CNGA3: variants seen among roughly 807,000 people sequenced by gnomAD.
CNGA3 encodes the protein cyclic nucleotide-gated channel alpha-3.
A neutral mutation model predicts 46.6 loss-of-function variants in CNGA3; 42 were observed. The ratio of observed to expected loss-of-function variants is 0.90; its 90% CI spans 0.70 to 1.17. CNGA3 has a LOEUF of 1.17. CNGA3 is among the 50% of genes most tolerant of loss of function. The pLI is 0.00. For missense variants in CNGA3, 893 were observed against 890.7 expected (o/e 1.00, Z -0.03); for synonymous variants, 394 against 369.4 (o/e 1.07, Z -0.76).
intron 2 of CNGA3, among the ~76,000 whole-genome samples, chr2:98,375,089 A>T (rs76787744): frequency 0.021 from 3,274 of 152,292 alleles, 111 homozygotes; most frequent in African/African-American, 0.072. Flanking sequence ...AGTGGGCATC[A>T]TAGATCCCGC....
chr2:98,372,715 C>T (rs1429647739), intron 2 of CNGA3, among the ~76,000 whole-genome samples: 1 of 152,162 alleles, frequency 6.6e-6, no homozygotes, highest in Non-Finnish European at 1.5e-5. Flanking sequence ...TGCAGAGGTC[C>T]TGGCACAGTC....
chr2:98,363,052 T>C (rs754905145), intron 1 of CNGA3, among the ~76,000 whole-genome samples: 2 of 152,250 alleles, frequency 1.3e-5, no homozygotes, highest in East Asian at 1.9e-4. Flanking sequence ...TTGGTTACTA[T>C]AGTCTTATAG....
intron 1 of CNGA3, among the ~76,000 whole-genome samples, chr2:98,359,539 A>G (rs1461123498): frequency 1.3e-5 from 2 of 152,324 alleles, no homozygotes; most frequent in African/African-American, 2.4e-5. Flanking sequence ...AATACACTGC[A>G]TTACCACCTG....
chr2:98,394,714 T>C (rs534476235), intron 7 of CNGA3, among the ~76,000 whole-genome samples: 1 of 152,350 alleles, frequency 6.6e-6, no homozygotes, highest in East Asian at 1.9e-4. Flanking sequence ...GTAAGCACTT[T>C]AGCATTTTGA....
intron 5 of CNGA3, 69 bp from the exon 6 acceptor site, chr2:98,389,589 C>G (rs2104228933): frequency 1.4e-6 from 2 of 1,403,970 alleles, no homozygotes; most frequent in Non-Finnish European, 2.0e-6. Flanking sequence ...TTGCCCTAGG[C>G]TCTCTAAAAC....
intron 2 of CNGA3, among the ~76,000 whole-genome samples, chr2:98,372,833 C>T (rs1692317640): frequency 6.6e-6 from 1 of 152,126 alleles, no homozygotes; most frequent in South Asian, 2.1e-4. Flanking sequence ...CAGATAGCCG[C>T]ATTTCCTGCC....
intron 7 of CNGA3, among the ~76,000 whole-genome samples, chr2:98,395,465 C>T (rs866482546): frequency 2.0e-5 from 3 of 152,170 alleles, no homozygotes; most frequent in Admixed American, 6.5e-5. Flanking sequence ...CCACGGCACC[C>T]GGCCCTCTGT....
At chr2:98,371,172 C>CT (rs1252895788) in intron 2 of CNGA3, among the ~76,000 whole-genome samples, 1 of 152,148 alleles carries the variant, frequency 6.6e-6, no homozygotes, top group Non-Finnish European at 1.5e-5. Flanking sequence ...GCATGAGCAA[C>CT]TTTCTTTCCA....
At chr2:98,352,036 C>T (rs935880081) in intron 1 of CNGA3, among the ~76,000 whole-genome samples, 1 of 152,162 alleles carries the variant, frequency 6.6e-6, no homozygotes, top group African/African-American at 2.4e-5. Context: ...ACTCCTGCTC[C>T]AGGCAACCTC....
intron 4 of CNGA3, among the ~76,000 whole-genome samples, chr2:98,382,756 C>T (rs969878908): frequency 2.0e-5 from 3 of 152,244 alleles, no homozygotes; most frequent in Non-Finnish European, 4.4e-5. Context: ...AAACCAGCCC[C>T]TACCTTCAAC....
intron 1 of CNGA3, among the ~76,000 whole-genome samples, chr2:98,365,990 G>C (rs549347208): frequency 6.6e-6 from 1 of 152,142 alleles, no homozygotes; most frequent in Non-Finnish European, 1.5e-5. Context: ...CTGGTTTTTT[G>C]AGTTTTCAGC....
intron 3 of CNGA3, among the ~76,000 whole-genome samples, chr2:98,378,493 A>G (rs1692463989): frequency 6.6e-6 from 1 of 152,220 alleles, no homozygotes; most frequent in Non-Finnish European, 1.5e-5. Context: ...TTCCAATGCC[A>G]GAGTCTTACA....
chr2:98,366,475 G>A (rs1219774910), intron 1 of CNGA3, among the ~76,000 whole-genome samples: 2 of 152,232 alleles, frequency 1.3e-5, no homozygotes, highest in Non-Finnish European at 2.9e-5. Flanking sequence ...CAGACTGCCC[G>A]ATTCCTTAAA....
chr2:98,388,360 C>T (rs1490953608), intron 5 of CNGA3, among the ~76,000 whole-genome samples: 1 of 152,204 alleles, frequency 6.6e-6, no homozygotes, highest in African/African-American at 2.4e-5. Flanking sequence ...CCTCTAAAGA[C>T]GGGGTGCCAT....
At chr2:98,382,521 C>T (rs1004677601) in intron 4 of CNGA3, among the ~76,000 whole-genome samples, 1 of 152,204 alleles carries the variant, frequency 6.6e-6, no homozygotes. Context: ...GGACATCAAG[C>T]ATCGTGGAAG....
At chr2:98,381,423 G>C (rs1029869518) in intron 4 of CNGA3, among the ~76,000 whole-genome samples, 1 of 152,176 alleles carries the variant, frequency 6.6e-6, no homozygotes, top group Non-Finnish European at 1.5e-5. Context: ...CTTCTCAAAT[G>C]GTCATATGAG....
At chr2:98,352,115 G>A (rs1362262031) in intron 1 of CNGA3, among the ~76,000 whole-genome samples, 1 of 152,120 alleles carries the variant, frequency 6.6e-6, no homozygotes. Flanking sequence ...TATATATTAT[G>A]TGACTCTTTT....
At chr2:98,349,242 A>T (rs2106066328) in intron 1 of CNGA3, among the ~76,000 whole-genome samples, 1 of 152,180 alleles carries the variant, frequency 6.6e-6, no homozygotes, top group South Asian at 2.1e-4. Flanking sequence ...TTTGGTGAGC[A>T]CTGTCTCTGC....
At chr2:98,395,736 A>G in intron 7 of CNGA3, 108 bp from the exon 8 acceptor site, 3 of 836,740 alleles carry the variant, frequency 3.6e-6, no homozygotes, top group Non-Finnish European at 6.1e-6. Flanking sequence ...TCTATTATAT[A>G]TGTATCACTG....
Sources: allele counts gnomAD v4.1 joint callset (sites outside exome capture counted in the v4.1 genomes callset), GRCh38; gene constraint gnomAD v4.1.1; transcripts MANE v1.5; gene names NCBI Gene and HGNC (gene_info 2026-07-23, HGNC 2026-07-21).